The following NR5A1 variants were observed in gnomAD, a reference collection of about 807,000 sequenced individuals.
NR5A1 encodes the protein nuclear receptor subfamily 5 group A member 1.
In NR5A1, 6 loss-of-function variants were observed where a neutral mutation model predicts 42.7. The ratio of observed to expected loss-of-function variants is 0.14; its 90% CI spans 0.08 to 0.28. NR5A1 has a LOEUF of 0.28. NR5A1 is among the 10% of genes least tolerant of loss of function. The pLI is 1.00. For synonymous variants in NR5A1, 274 were observed against 277.5 expected, an observed-to-expected ratio of 0.99 and a Z score of 0.12; for missense variants, 442 against 626.4, an observed-to-expected ratio of 0.71 and a Z score of 3.14.
At chr9:124,505,648 T>C (rs74889204) in intron 1 of NR5A1, among the ~76,000 whole-genome samples, 3,053 of 152,214 alleles carry the variant, frequency 0.02, 103 homozygotes, top group African/African-American at 0.07. Context: ...GGGCTGGAAA[T>C]GGGACTCGTG....
Position 124,503,673 on chromosome 9 carries a change from C to A in NR5A1, c.-15-263G>T, listed in dbSNP as rs1181447992. On this transcript the variant is annotated intron_variant, in intron 1 of 6. Coordinates refer to ENST00000373588, the MANE Select transcript of NR5A1 (RefSeq NM_004959.5). The surrounding 1 kb of genome is among the most constrained non-coding windows in gnomAD (Gnocchi z 9.6). ...CCGCGCGGACCCCGTCGCGCCCGAT[C>A]TGGGGCCCTCGGGTTCGATGCGCTT... 6.6e-6 allele frequency among the ~76,000 whole-genome samples: 1 copy of A among 152,232 alleles called. No homozygotes were observed. The highest frequency in any genetic ancestry group is 1.9e-4 in the East Asian group (1 of 5,190).
rs375469069 is a variant in NR5A1, at chr9:124,500,709, C to T, written c.251G>A (p.Arg84His). The change falls in exon 4 of 7, where the codon CGC becomes CAC. Residue 84 changes from arginine to histidine, a missense_variant. Transcript: ENST00000373588. This position sits in a 1 kb window ranked among gnomAD's most constrained non-coding sequence, Gnocchi z 6.9. ...CCGGCCACCCCTCATACGGTCAGCG[C>T]GCACGGCTGTGGGCAGGGGCAGAGG... The part of the protein sequence containing the change: ...LTVGMRLEAV[R>H]ADRMRGGRNK... 6.2e-7 allele frequency: 1 copy of T among 1,612,830 alleles called. No homozygotes were observed. The highest frequency in any genetic ancestry group is 2.2e-5 in the East Asian group (1 of 44,880).
rs181039299 is a variant in NR5A1 at position 124,498,155 on chromosome 9, A to C, written c.870+1935T>G. On this transcript the variant is annotated intron_variant, in intron 4 of 6. Transcript: ENST00000373588. This position sits in a 1 kb window ranked among gnomAD's most constrained non-coding sequence, Gnocchi z 4.6. ...GGGGAAATGAATGATCAGCTAGAAGAGACGCCGGAGTCACCCACACCCCTC... is the reference window on the plus strand; with the variant it reads ...GGGGAAATGAATGATCAGCTAGAAGCGACGCCGGAGTCACCCACACCCCTC... Among the ~76,000 whole-genome samples the C allele has an allele frequency of 6.6e-6, 1 of 152,256 alleles. No individual in the cohort carries two copies. Among genetic ancestry groups the C allele is most frequent in the Non-Finnish European group, 1.5e-5 (1 of 68,022 alleles).
intron 1 of NR5A1, among the ~76,000 whole-genome samples, chr9:124,504,455 A>C (rs2131291531): frequency 6.6e-6 from 1 of 151,868 alleles, no homozygotes; most frequent in African/African-American, 2.4e-5. Flanking sequence ...GGGGAGACAA[A>C]GCCGCAGCAG....
rs764455597 is a variant in NR5A1, at chr9:124,500,573, G to C, written c.387C>G (p.Pro129=). The C allele has an allele frequency of 1.2e-6, 2 of 1,612,020 alleles. No individual in the cohort carries two copies. The highest frequency in any genetic ancestry group is 4.5e-5 in the East Asian group (2 of 44,878). ...KLETGPPMGV[P]PPPPPAPDYV... ...AGTCCGGTGCGGGAGGGGGCGGCGG[G>C]GGCACCCCCATCGGGGGCCCTGTCT... The change falls in exon 4 of 7, where the codon CCC becomes CCG. Residue 129 remains proline (P), a synonymous_variant. Transcript: ENST00000373588. The surrounding 1 kb of genome is among the most constrained non-coding windows in gnomAD (Gnocchi z 6.9).
intron 6 of NR5A1, among the ~76,000 whole-genome samples, chr9:124,487,091 C>T (rs1050041726): frequency 2.0e-5 from 3 of 152,234 alleles, no homozygotes; most frequent in South Asian, 2.1e-4. Context: ...CCGGCACTCG[C>T]GGAGGTGGAG....
intron 1 of NR5A1, among the ~76,000 whole-genome samples, chr9:124,505,346 G>A (rs1488729964): frequency 6.6e-6 from 1 of 152,234 alleles, no homozygotes; most frequent in African/African-American, 2.4e-5. Context: ...GTGGGTAAGG[G>A]CGAGTGGCGA....
rs377377884 is a variant in NR5A1, at chr9:124,500,540, C to T, written c.420G>A (p.Leu140=). Residue 140 remains leucine, a synonymous_variant, in exon 4 of 7, where the codon CTG becomes CTA. Coordinates refer to ENST00000373588, the MANE Select transcript of NR5A1 (RefSeq NM_004959.5). This position sits in a 1 kb window ranked among gnomAD's most constrained non-coding sequence, Gnocchi z 6.9. ...GCTCAGGCCCATGCAGGCTGGGAGGCAGCACGTAGTCCGGTGCGGGAGGGG... is the reference window on the plus strand; with the variant it reads ...GCTCAGGCCCATGCAGGCTGGGAGGTAGCACGTAGTCCGGTGCGGGAGGGG... ...PPPPPAPDYV[L]PPSLHGPEPK... is the part of the protein sequence containing the mutation. 2.4e-5 allele frequency: 39 copies of T among 1,609,070 alleles called. No individual in the cohort carries two copies. The African/African-American group carries it at 4.4e-4, about 18-fold the overall frequency.
intron 4 of NR5A1, 115 bp downstream of exon 4, chr9:124,499,975 G>T: frequency 1.3e-6 from 2 of 1,509,768 alleles, no homozygotes; most frequent in African/African-American, 1.4e-5. Flanking sequence ...CGGGTCCCCA[G>T]GTACTGCCTG....
chr9:124,489,569 C>T (rs1394740980), intron 6 of NR5A1, among the ~76,000 whole-genome samples: 3 of 152,214 alleles, frequency 2.0e-5, no homozygotes, highest in Admixed American at 6.5e-5. Context: ...ACCCCCACCA[C>T]GCACATCTGT....
rs974992084 is a variant in NR5A1, at chr9:124,490,240, C to T, written c.1138+841G>A. ...GAGCTCTGCTCCCCACCCAGGGTTCCCTAAGCCACACCCATCTCTCTGTCT... is the reference window on the plus strand; with the variant it reads ...GAGCTCTGCTCCCCACCCAGGGTTCTCTAAGCCACACCCATCTCTCTGTCT... On this transcript the variant is annotated intron_variant, in intron 6 of 6. Coordinates refer to ENST00000373588, the MANE Select transcript of NR5A1 (RefSeq NM_004959.5). Among the ~76,000 whole-genome samples, 13 of 152,240 alleles carry T rather than the reference C, an allele frequency of 8.5e-5. No individual in the cohort carries two copies. In the East Asian group the frequency reaches 2.3e-3, roughly 27 times the overall value.
In NR5A1 at chr9:124,492,884, T is replaced by C. The variant is rs1470906333; in HGVS notation, c.990+146A>G. ...ACAGAGGGTTTGGGCCAGTGGGTGT[T>C]CCATGAACGTGGGGAAAGGGCTGAT... On this transcript the variant is annotated intron_variant, in intron 5 of 6. Transcript: ENST00000373588. The C allele has an allele frequency of 1.4e-5, 14 of 1,033,956 alleles. 1 individual carries two copies. In the Middle Eastern group the frequency reaches 1.6e-3, roughly 117 times the overall value. 64.0% of individuals were successfully genotyped at this position (1,033,956 alleles called of 1,614,324 possible).
chr9:124,483,122 C>T (rs1564146998), intron 6 of NR5A1, 117 bp from the exon 7 acceptor site: 2 of 1,594,938 alleles, frequency 1.3e-6, no homozygotes, highest in Non-Finnish European at 1.7e-6. Context: ...AAGACATGGG[C>T]ATTGCTGCCA....
At chr9:124,491,971 G>A (rs1190413828) in intron 5 of NR5A1, among the ~76,000 whole-genome samples, 1 of 152,110 alleles carries the variant, frequency 6.6e-6, no homozygotes, top group African/African-American at 2.4e-5. Context: ...ACTTCATGCA[G>A]ACTGCAGGCA....
rs1246461179 is a variant in NR5A1 at position 124,500,145 on chromosome 9, G to A, written c.815C>T (p.Thr272Ile). The A allele has an allele frequency of 6.2e-7, 1 of 1,613,048 alleles. No individual in the cohort carries two copies. Among genetic ancestry groups the A allele is most frequent in the Non-Finnish European group, 8.5e-7 (1 of 1,180,006 alleles). ...TGCCCAGTCCACGATGGAGATGAAGGTCTGGTCGGCCATTCTGCACAGGAG... is the reference window on the plus strand; with the variant it reads ...TGCCCAGTCCACGATGGAGATGAAGATCTGGTCGGCCATTCTGCACAGGAG... ...FGLLCRMADQ[T>I]FISIVDWARR... The change falls in exon 4 of 7, where the codon ACC becomes ATC. Residue 272 changes from threonine to isoleucine, a missense_variant. Transcript: ENST00000373588. The surrounding 1 kb of genome is among the most constrained non-coding windows in gnomAD (Gnocchi z 6.9).
intron 4 of NR5A1, among the ~76,000 whole-genome samples, chr9:124,499,855 CAGTGG>C (rs1832439136): frequency 6.6e-6 from 1 of 151,808 alleles, no homozygotes; most frequent in Non-Finnish European, 1.5e-5. Context: ...ATCAAAGCAG[CAGTGG>C]CTCCTTGAGC....
In NR5A1 at chr9:124,500,474, G is replaced by T. The variant is rs368743340; in HGVS notation, c.486C>A (p.Gly162=). The T allele has an allele frequency of 3.1e-6, 5 of 1,597,280 alleles. No individual in the cohort carries two copies. Among genetic ancestry groups the T allele is most frequent in the Non-Finnish European group, 2.6e-6 (3 of 1,174,120 alleles). Reference sequence around the variant, plus strand: ...TGGGCAGTGCTGGGGCCCCAAAGTCGCCCAGTGGCCCAGCAGGTGGACCGG... The same window carrying T: ...TGGGCAGTGCTGGGGCCCCAAAGTCTCCCAGTGGCCCAGCAGGTGGACCGG... The part of the protein sequence containing the change: ...LAAGPPAGPL[G]DFGAPALPMA... The change falls in exon 4 of 7, where the codon GGC becomes GGA. Residue 162 remains glycine, a synonymous_variant. Transcript: ENST00000373588. This position sits in a 1 kb window ranked among gnomAD's most constrained non-coding sequence, Gnocchi z 6.9.
intron 6 of NR5A1, among the ~76,000 whole-genome samples, chr9:124,484,112 T>A (rs977540514): frequency 2.0e-5 from 3 of 152,134 alleles, no homozygotes; most frequent in African/African-American, 7.2e-5. Context: ...GCGTTGAACA[T>A]CTCATGGGGT....
chr9:124,490,512 C>G (rs1832291736), intron 6 of NR5A1, among the ~76,000 whole-genome samples: 1 of 152,288 alleles, frequency 6.6e-6, no homozygotes, highest in East Asian at 1.9e-4. Flanking sequence ...CCTCTGCTTT[C>G]TTTTCCTCCT....
Sources: allele counts gnomAD v4.1 joint callset (sites outside exome capture counted in the v4.1 genomes callset), GRCh38; gene constraint gnomAD v4.1.1; non-coding constraint Gnocchi (gnomAD v3.1); transcripts MANE v1.5; gene names NCBI Gene and HGNC (gene_info 2026-07-23, HGNC 2026-07-21).